WDR75: variants seen among roughly 807,000 people sequenced by gnomAD.
WDR75 encodes WD repeat-containing protein 75.
Under a neutral mutation model 106.1 loss-of-function variants are expected in WDR75, and 52 were observed. That is an observed-to-expected ratio of 0.49 (90% CI 0.39 to 0.62). The LOEUF is 0.62. WDR75 is among the 20% of genes least tolerant of loss of function. The pLI is 0.00. For missense variants in WDR75, 905 were observed against 970.3 expected (o/e 0.93, Z 0.89); for synonymous variants, 333 against 335.5 (o/e 0.99, Z 0.08).
intron 18 of WDR75, among the ~76,000 whole-genome samples, chr2:189,472,133 G>GTCAA (rs1687130319): frequency 6.6e-6 from 1 of 152,268 alleles, no homozygotes; most frequent in East Asian, 1.9e-4. Flanking sequence ...GAGAAAAGTA[G>GTCAA]TCAAGTCTCT....
chr2:189,474,219 T>G lies in WDR75; in HGVS notation c.2083T>G (p.Phe695Val). The change falls in exon 19 of 21, where the codon TTT becomes GTT. Residue 695 changes from phenylalanine to valine, a missense_variant. Transcript: ENST00000314761. The stretch of plus-strand genomic sequence containing the variant: ...AGAAGAAAGTCTTCCCACAACCCCA[T>G]TTTATTTCATATTGGGAAAACACAG... ...LAEESLPTTP[F>V]YFILGKHRQQ... The G allele has an allele frequency of 6.2e-7, 1 of 1,613,446 alleles. No homozygotes were observed. The highest frequency in any genetic ancestry group is 8.5e-7 in the Non-Finnish European group (1 of 1,179,742).
At chr2:189,470,283 A>C (rs577419240) in intron 17 of WDR75, 38 bp downstream of exon 17, 11 of 1,585,350 alleles carry the variant, frequency 6.9e-6, no homozygotes, top group Non-Finnish European at 9.4e-6. Context: ...CACTTTGTAC[A>C]TGGAATTTTA....
intron 4 of WDR75, among the ~76,000 whole-genome samples, chr2:189,452,454 T>C (rs6740723): frequency 0.065 from 9,781 of 151,272 alleles, 490 homozygotes; most frequent in African/African-American, 0.14. Flanking sequence ...CCCAGCTACT[T>C]GGGAGGCTGA....
In WDR75 at chr2:189,462,572, A is replaced by G. The variant is rs763167744; in HGVS notation, c.867A>G (p.Leu289=). The change falls in exon 9 of 21, where the codon TTA becomes TTG. Residue 289 remains leucine, a synonymous_variant. Transcript: ENST00000314761. ...TEKNKEFLPR[L]GATIEHISVS... is the part of the protein sequence containing the mutation. ...AGAATAAGGAGTTTCTCCCGCGTTT[A>G]GGAGCTACTATTGAACATATCTCAG... 40 of 1,613,964 alleles carry G rather than the reference A, an allele frequency of 2.5e-5. No homozygotes were observed. Among genetic ancestry groups the G allele is most frequent in the Admixed American group, 8.3e-5 (5 of 59,990 alleles).
At position 189,451,819 on chromosome 2, in the gene WDR75, A is replaced by T. The variant is rs1382114502; in HGVS notation, c.297A>T (p.Gly99=). The T allele has an allele frequency of 1.2e-6, 2 of 1,613,710 alleles. No homozygotes were observed. The highest frequency in any genetic ancestry group is 3.3e-5 in the Admixed American group (2 of 60,014). ...TTATCTTTCAGACTTTCATAGTTGG[A>T]TGTAAACTTCATGCCCTCTTTACTC... ...DGILIKTFIV[G]CKLHALFTLA... Residue 99 remains glycine (G), a synonymous_variant, in exon 4 of 21, where the codon GGA becomes GGT. Coordinates refer to ENST00000314761, the MANE Select transcript of WDR75 (RefSeq NM_032168.3).
At chr2:189,457,924 C>CTTTTTTTTT (rs11395971) in intron 6 of WDR75, among the ~76,000 whole-genome samples, 3 of 116,364 alleles carry the variant, frequency 2.6e-5, no homozygotes, top group Non-Finnish European at 5.0e-5. Flanking sequence ...GCCAAGATTG[C>CTTTTTTTTT]TTTTTTTTTT....
At chr2:189,463,673 C>A (rs1686944450) in intron 9 of WDR75, 21 bp from the exon 10 acceptor site, 2 of 1,612,812 alleles carry the variant, frequency 1.2e-6, no homozygotes, top group African/African-American at 1.3e-5. Context: ...TATTTAAATA[C>A]CTATTTTTTT....
intron 6 of WDR75, among the ~76,000 whole-genome samples, chr2:189,457,924 CTTTTTTTT>C (rs11395971): frequency 8.6e-6 from 1 of 116,364 alleles, no homozygotes; most frequent in South Asian, 2.8e-4. Flanking sequence ...GCCAAGATTG[CTTTTTTTT>C]TTTTTTTTTT....
chr2:189,443,769 G>A (rs948286308), intron 1 of WDR75, among the ~76,000 whole-genome samples: 8 of 152,148 alleles, frequency 5.3e-5, no homozygotes, highest in African/African-American at 1.9e-4. Flanking sequence ...AAACTGGGGG[G>A]ATTGAGCCTT....
chr2:189,442,611 C>T (rs898600427), intron 1 of WDR75, among the ~76,000 whole-genome samples: 5 of 151,710 alleles, frequency 3.3e-5, no homozygotes, highest in Non-Finnish European at 5.9e-5. Flanking sequence ...CCACCACGCC[C>T]GCTAATTTTT....
At chr2:189,474,360 C>G (rs1687171589) in intron 19 of WDR75, 28 bp downstream of exon 19, 1 of 1,593,710 alleles carries the variant, frequency 6.3e-7, no homozygotes, top group Non-Finnish European at 8.5e-7. Flanking sequence ...CCATGTGAAA[C>G]AGATTAAATG....
intron 7 of WDR75, 37 bp from the exon 8 acceptor site, chr2:189,459,299 C>A (rs1433341586): frequency 6.6e-7 from 1 of 1,505,254 alleles, no homozygotes; most frequent in Non-Finnish European, 9.1e-7. Flanking sequence ...TAACTTAAAC[C>A]TATGGTCAAA....
intron 4 of WDR75, 49 bp downstream of exon 4, chr2:189,451,944 T>C: frequency 7.0e-7 from 1 of 1,436,030 alleles, no homozygotes. Context: ...GCTCTTTACA[T>C]TTTACAGTTC....
At chr2:189,459,744 G>A (rs868417180) in intron 8 of WDR75, among the ~76,000 whole-genome samples, 1 of 152,192 alleles carries the variant, frequency 6.6e-6, no homozygotes, top group Admixed American at 6.5e-5. Flanking sequence ...CTTATCAGGT[G>A]CAAGTAACTA....
intron 2 of WDR75, 197 bp from the exon 3 acceptor site, chr2:189,450,701 TTGAAA>T: frequency 1.5e-6 from 2 of 1,369,514 alleles, no homozygotes; most frequent in Non-Finnish European, 1.9e-6. Flanking sequence ...TAGTTAAAAC[TTGAAA>T]TGGATGGATC....
chr2:189,465,787 A>G (rs973569186), intron 12 of WDR75, among the ~76,000 whole-genome samples: 2 of 152,164 alleles, frequency 1.3e-5, no homozygotes, highest in African/African-American at 4.8e-5. Context: ...TTTATAGGTG[A>G]AGAAACAGGC....
At chr2:189,474,985 A>G (rs956081586) in intron 20 of WDR75, among the ~76,000 whole-genome samples, 177 bp downstream of exon 20, 6 of 152,230 alleles carry the variant, frequency 3.9e-5, no homozygotes, top group South Asian at 2.1e-4. Context: ...ATAAGTTTCA[A>G]AAAAGATCTT....
At chr2:189,442,442 CTT>C (rs1188214718) in intron 1 of WDR75, among the ~76,000 whole-genome samples, 89 of 73,944 alleles carry the variant, frequency 1.2e-3, no homozygotes, top group Non-Finnish European at 1.5e-3. Flanking sequence ...CCACAATATT[CTT>C]TTTTTTTTTT....
chr2:189,445,142 A>G (rs1026579586), intron 1 of WDR75, among the ~76,000 whole-genome samples: 5 of 152,220 alleles, frequency 3.3e-5, no homozygotes, highest in African/African-American at 1.2e-4. Context: ...CTTAAACTCT[A>G]TGAGAACGTG....
Sources: allele counts gnomAD v4.1 joint callset (sites outside exome capture counted in the v4.1 genomes callset), GRCh38; gene constraint gnomAD v4.1.1; transcripts MANE v1.5; gene names NCBI Gene and HGNC (gene_info 2026-07-23, HGNC 2026-07-21).